Variants in PLCG1 observed in about 807,000 individuals in gnomAD.
The protein encoded by PLCG1 is 1-phosphatidylinositol 4,5-bisphosphate phosphodiesterase gamma-1.
In PLCG1, 71 loss-of-function variants were observed where a neutral mutation model predicts 177.8. That is an observed-to-expected ratio of 0.40 (90% CI 0.33 to 0.49). PLCG1 has a LOEUF of 0.49. Among genes scored for constraint, PLCG1 ranks in the 20% least tolerant of loss-of-function variants. The pLI, the probability that PLCG1 is intolerant of heterozygous loss-of-function variation, is 0.72. For synonymous variants in PLCG1, 658 were observed against 647.9 expected (o/e 1.02, Z -0.24); for missense variants, 1,281 against 1,709.0 (o/e 0.75, Z 4.42).
At position 41,137,550 on chromosome 20, in the gene PLCG1, G is replaced by T. The variant is rs1198434425; in HGVS notation, c.-92G>T. 3.0e-6 allele frequency: 2 copies of T among 674,314 alleles called. No homozygotes were observed. Among genetic ancestry groups the T allele is most frequent in the Non-Finnish European group, 2.1e-6 (1 of 487,036 alleles). 41.8% of individuals were successfully genotyped at this position (674,314 alleles called of 1,614,324 possible). A position where few individuals can be genotyped will look rare whatever the true frequency, so the allele number is the denominator to read the frequency against. On this transcript the variant is annotated 5_prime_UTR_variant, in exon 1 of 32. Coordinates refer to ENST00000685551, the MANE Select transcript of PLCG1 (RefSeq NM_002660.3). This position sits in a 1 kb window ranked among gnomAD's most constrained non-coding sequence, Gnocchi z 7.3. ...CGCCGCCGGGTCCCGCTCGTCTGCC[G>T]CCTCAGCCTCAGCCCCAACCTCAGC...
intron 1 of PLCG1, among the ~76,000 whole-genome samples, chr20:41,154,587 G>A (rs537122488): frequency 2.0e-5 from 3 of 151,940 alleles, no homozygotes; most frequent in Non-Finnish European, 4.4e-5. Context: ...GAGAGCTAGT[G>A]GCAGGCCTGT....
Position 41,156,580 on chromosome 20 carries a change from G to A in PLCG1, c.218-3026G>A, listed in dbSNP as rs548237777. 2.6e-5 allele frequency among the ~76,000 whole-genome samples: 4 copies of A among 152,104 alleles called. No homozygotes were observed. The highest frequency in any genetic ancestry group is 5.9e-5 in the Non-Finnish European group (4 of 68,034). The stretch of plus-strand genomic sequence containing the variant: ...ACTGCCCCATCTTCTTCATAGTGAC[G>A]GCCTCTTCGTACCCCTGGCTTTTCT... On this transcript the variant is annotated intron_variant, in intron 1 of 31. Coordinates refer to ENST00000685551, the MANE Select transcript of PLCG1 (RefSeq NM_002660.3). This position sits in a 1 kb window ranked among gnomAD's most constrained non-coding sequence, Gnocchi z 5.0.
Position 41,163,796 on chromosome 20 carries a change from C to T in PLCG1, c.973C>T (p.Pro325Ser), listed in dbSNP as rs776899207. 6.2e-7 allele frequency: 1 copy of T among 1,613,784 alleles called. No homozygotes were observed. Among genetic ancestry groups the T allele is most frequent in the South Asian group, 1.1e-5 (1 of 91,082 alleles). The change falls in exon 10 of 32, where the codon CCT becomes TCT. Residue 325 changes from proline (P) to serine (S), a missense_variant. Pro to Ser is a moderately conservative substitution (Grantham distance 74). Coordinates refer to ENST00000685551, the MANE Select transcript of PLCG1 (RefSeq NM_002660.3). The surrounding 1 kb of genome is among the most constrained non-coding windows in gnomAD (Gnocchi z 5.2). ...DAVCPDTMNN[P>S]LSHYWISSSH... The stretch of plus-strand genomic sequence containing the variant: ...AGTATGCCCGGACACCATGAACAAC[C>T]CTCTTTCCCACTACTGGATCTCCTC...
At chr20:41,138,449 G>C (rs1337690551) in intron 1 of PLCG1, among the ~76,000 whole-genome samples, 1 of 152,070 alleles carries the variant, frequency 6.6e-6, no homozygotes, top group Non-Finnish European at 1.5e-5. Flanking sequence ...GTTTGGTTTG[G>C]AGAAGCCTGA....
Position 41,153,604 on chromosome 20 carries a change from GA to G in PLCG1, c.218-5999del, listed in dbSNP as rs1035246576. Among the ~76,000 whole-genome samples the G allele has an allele frequency of 5.9e-5, 9 of 152,298 alleles. No homozygotes were observed. Among genetic ancestry groups the G allele is most frequent in the African/African-American group, 2.2e-4 (9 of 41,556 alleles). Reference sequence around the variant, plus strand: ...ATAAAGGGAAAACCCTCTCTGAAGAGAAATATTTCAGACAGGGCATGGTTGC... The same window carrying G: ...ATAAAGGGAAAACCCTCTCTGAAGAGAATATTTCAGACAGGGCATGGTTGC... On this transcript the variant is annotated intron_variant, in intron 1 of 31. Coordinates refer to ENST00000685551, the MANE Select transcript of PLCG1 (RefSeq NM_002660.3). The surrounding 1 kb of genome is among the most constrained non-coding windows in gnomAD (Gnocchi z 5.1).
Position 41,150,640 on chromosome 20 carries a change from G to C in PLCG1, c.218-8966G>C, listed in dbSNP as rs917274188. On this transcript the variant is annotated intron_variant, in intron 1 of 31. Coordinates refer to ENST00000685551, the MANE Select transcript of PLCG1 (RefSeq NM_002660.3). The surrounding 1 kb of genome is among the most constrained non-coding windows in gnomAD (Gnocchi z 4.0). ...AAAGCCACCTTTCCCTACTGTGGCA[G>C]TCAAGGCTTGGTATAGGCCATCTTC... 2.6e-5 allele frequency among the ~76,000 whole-genome samples: 4 copies of C among 152,200 alleles called. No homozygotes were observed. Among genetic ancestry groups the C allele is most frequent in the African/African-American group, 9.6e-5 (4 of 41,452 alleles).
rs1646681589 is a variant in PLCG1, at chr20:41,174,255, G to A, written c.3777G>A (p.Glu1259=). ...SFESRYQQPF[E]DFRISQEHLA... ...AATCCCGCTACCAGCAGCCGTTTGA[G>A]GACTTCCGCATCTCCCAGGAGCATC... The change falls in exon 31 of 32, where the codon GAG becomes GAA. Residue 1259 remains glutamate, a synonymous_variant. Transcript: ENST00000685551. This position sits in a 1 kb window ranked among gnomAD's most constrained non-coding sequence, Gnocchi z 5.8. 1 of 1,614,086 alleles carries A rather than the reference G, an allele frequency of 6.2e-7. No homozygotes were observed. The highest frequency in any genetic ancestry group is 1.1e-5 in the South Asian group (1 of 91,090).
At position 41,162,387 on chromosome 20, in the gene PLCG1, C is replaced by T. The variant is rs6102294; in HGVS notation, c.513-65C>T. 4.3e-3 allele frequency: 5,589 copies of T among 1,295,512 alleles called. 184 individuals carry two copies. The African/African-American group carries it at 0.071, about 16-fold the overall frequency. 80.3% of individuals were successfully genotyped at this position (1,295,512 alleles called of 1,614,324 possible). On this transcript the variant is annotated intron_variant, in intron 4 of 31. Transcript: ENST00000685551. ...TTACCTGTCCAGCCCCAGGTGGGCT[C>T]GACCCACAGGTCAGAGGTCATGAGA...
intron 24 of PLCG1, among the ~76,000 whole-genome samples, chr20:41,171,505 T>C (rs999170073): frequency 5.5e-5 from 8 of 146,134 alleles, no homozygotes; most frequent in African/African-American, 2.0e-4. Flanking sequence ...GAGAATCGCT[T>C]GAACCCGTGA....
chr20:41,147,687 A>G lies in PLCG1; in HGVS notation c.217+9829A>G, dbSNP rs376607474. On this transcript the variant is annotated intron_variant, in intron 1 of 31. Coordinates refer to ENST00000685551, the MANE Select transcript of PLCG1 (RefSeq NM_002660.3). The surrounding 1 kb of genome is among the most constrained non-coding windows in gnomAD (Gnocchi z 4.0). ...AAGATGGTGAAATCCCATCTCTACT[A>G]AAAATACAAAAATTAACCAGGCGTG... Among the ~76,000 whole-genome samples the G allele has an allele frequency of 1.3e-5, 2 of 152,132 alleles. No homozygotes were observed. The highest frequency in any genetic ancestry group is 4.8e-5 in the African/African-American group (2 of 41,440).
At position 41,148,469 on chromosome 20, in the gene PLCG1, G is replaced by T. The variant is rs931144735; in HGVS notation, c.217+10611G>T. On this transcript the variant is annotated intron_variant, in intron 1 of 31. Coordinates refer to ENST00000685551, the MANE Select transcript of PLCG1 (RefSeq NM_002660.3). The surrounding 1 kb of genome is among the most constrained non-coding windows in gnomAD (Gnocchi z 4.3). ...TCCATTTCCTCTCCCTTGTGAGAGG[G>T]CTCTGCAGAGACAGGGCAGCAGAGA... Among the ~76,000 whole-genome samples the T allele has an allele frequency of 2.0e-5, 3 of 151,986 alleles. No homozygotes were observed. Among genetic ancestry groups the T allele is most frequent in the Non-Finnish European group, 4.4e-5 (3 of 68,026 alleles).
rs1198915646 is a variant in PLCG1 at position 41,147,888 on chromosome 20, G to A, written c.217+10030G>A. ...AAATTTAAGCTGGGCTTTCTGGGCA[G>A]GCAGTGAGTGAATGAGATCCCTGGC... is the stretch of plus-strand genomic sequence containing the variant. On this transcript the variant is annotated intron_variant, in intron 1 of 31. Transcript: ENST00000685551. This position sits in a 1 kb window ranked among gnomAD's most constrained non-coding sequence, Gnocchi z 4.0. Among the ~76,000 whole-genome samples the A allele has an allele frequency of 6.6e-6, 1 of 152,048 alleles. No individual in the cohort carries two copies. The highest frequency in any genetic ancestry group is 1.9e-4 in the East Asian group (1 of 5,182).
rs768228742 is a variant in PLCG1, at chr20:41,166,383, C to T, written c.1989C>T (p.His663=). 23 of 1,613,970 alleles carry T rather than the reference C, an allele frequency of 1.4e-5. No homozygotes were observed. Among genetic ancestry groups the T allele is most frequent in the South Asian group, 6.6e-5 (6 of 91,090 alleles). ...LSEPVPQTNA[H]ESKEWYHASL... ...AGCCTGTCCCACAGACCAACGCCCA[C>T]GAGAGCAAAGAGTGAGGGAAGGGCC... is the stretch of plus-strand genomic sequence containing the variant. Residue 663 remains histidine (H), a synonymous_variant, in exon 17 of 32, where the codon CAC becomes CAT. Coordinates refer to ENST00000685551, the MANE Select transcript of PLCG1 (RefSeq NM_002660.3). The surrounding 1 kb of genome is among the most constrained non-coding windows in gnomAD (Gnocchi z 8.6).
At position 41,166,307 on chromosome 20, in the gene PLCG1, A is replaced by G; in HGVS notation, c.1913A>G (p.His638Arg). Reference sequence around the variant, plus strand: ...GACTCCCTCTATGACCTCATCACGCACTACCAGCAGGTGCCCCTGCGCTGT... The same window carrying G: ...GACTCCCTCTATGACCTCATCACGCGCTACCAGCAGGTGCCCCTGCGCTGT... ...VFDSLYDLIT[H>R]YQQVPLRCNE... Residue 638 changes from histidine to arginine, a missense_variant, in exon 17 of 32, where the codon CAC (histidine) becomes CGC (arginine). His to Arg is a conservative substitution (Grantham distance 29). Around this residue, in one of 4 missense-constraint regions of PLCG1, gnomAD observed 723 missense variants for 1,030.0 expected, o/e 0.70. Transcript: ENST00000685551. The surrounding 1 kb of genome is among the most constrained non-coding windows in gnomAD (Gnocchi z 8.6). The G allele has an allele frequency of 1.2e-6, 2 of 1,614,148 alleles. No individual in the cohort carries two copies. The highest frequency in any genetic ancestry group is 1.7e-6 in the Non-Finnish European group (2 of 1,180,032).
chr20:41,138,319 T>C (rs1401106595), intron 1 of PLCG1, among the ~76,000 whole-genome samples: 2 of 152,022 alleles, frequency 1.3e-5, no homozygotes, highest in African/African-American at 4.8e-5. Context: ...TGGGCTCTTA[T>C]TTGCAAAGGA....
chr20:41,139,543 G>GT (rs756219779), intron 1 of PLCG1, among the ~76,000 whole-genome samples: 2 of 152,296 alleles, frequency 1.3e-5, no homozygotes, highest in South Asian at 2.1e-4. Flanking sequence ...TTCCCGGCCA[G>GT]TTACTTACCT....
Position 41,174,107 on chromosome 20 carries a change from A to C in PLCG1, c.3646-17A>C, listed in dbSNP as rs766413193. The C allele has an allele frequency of 5.0e-5, 80 of 1,612,310 alleles. No individual in the cohort carries two copies. The highest frequency in any genetic ancestry group is 6.1e-5 in the Non-Finnish European group (72 of 1,178,692). On this transcript the variant is annotated splice_polypyrimidine_tract_variant and intron_variant, in intron 30 of 31. Coordinates refer to ENST00000685551, the MANE Select transcript of PLCG1 (RefSeq NM_002660.3). The surrounding 1 kb of genome is among the most constrained non-coding windows in gnomAD (Gnocchi z 5.8). ...AGAGGAGTCATTGACCCTCTTGTGC[A>C]CCTGGCTTCGTTGAAGCAGGAGAAT...
At chr20:41,168,075 T>C (rs2035763144) in intron 20 of PLCG1, 146 bp downstream of exon 20, 2 of 668,118 alleles carry the variant, frequency 3.0e-6, no homozygotes, top group African/African-American at 1.8e-5. Flanking sequence ...GAGAGATGTG[T>C]GGTTGGTGAG....
intron 24 of PLCG1, among the ~76,000 whole-genome samples, chr20:41,171,586 C>CAAAAAAAAAAAAAAAAAA (rs71844995): frequency 1.6e-5 from 1 of 64,096 alleles, no homozygotes; most frequent in Non-Finnish European, 2.9e-5. Flanking sequence ...GACTCTGTCT[C>CAAAAAAAAAAAAAAAAAA]AAAAAAAAAA....
Sources: allele counts gnomAD v4.1 joint callset (sites outside exome capture counted in the v4.1 genomes callset), GRCh38; gene constraint gnomAD v4.1.1; regional missense constraint gnomAD v4.1.1; non-coding constraint Gnocchi (gnomAD v3.1); transcripts MANE v1.5; gene names NCBI Gene and HGNC (gene_info 2026-07-23, HGNC 2026-07-21).